CALCRL: variants seen among roughly 807,000 people sequenced by gnomAD.
The protein encoded by CALCRL is calcitonin gene-related peptide type 1 receptor.
Under a neutral mutation model 60.4 loss-of-function variants are expected in CALCRL, and 27 were observed. That is an observed-to-expected ratio of 0.45 (90% CI 0.33 to 0.62). The LOEUF (loss-of-function observed/expected upper bound fraction) is 0.62. Ranked by LOEUF, CALCRL falls within the 20% of genes least tolerant of loss-of-function variation. The pLI, the probability that CALCRL is intolerant of heterozygous loss-of-function variation, is 0.03. For missense variants in CALCRL, 424 were observed against 540.7 expected (o/e 0.78, Z 2.14); for synonymous variants, 190 against 182.6 (o/e 1.04, Z -0.33).
intron 1 of CALCRL, among the ~76,000 whole-genome samples, chr2:187,442,833 T>C (rs1207464948): frequency 6.6e-6 from 1 of 151,888 alleles, no homozygotes; most frequent in Non-Finnish European, 1.5e-5. Flanking sequence ...CAGTTTGGAT[T>C]TGGTGAATCA....
chr2:187,352,537 G>A (rs1408133528), intron 12 of CALCRL, among the ~76,000 whole-genome samples: 2 of 151,474 alleles, frequency 1.3e-5, no homozygotes, highest in Admixed American at 6.6e-5. Flanking sequence ...TAATAAACAA[G>A]TTTTAAAAAA....
intron 1 of CALCRL, chr2:187,442,115 CACAT>C (rs1690945015): frequency 2.8e-5 from 4 of 143,230 alleles, no homozygotes. Context: ...TACATACACA[CACAT>C]ATACATATAC....
intron 12 of CALCRL, among the ~76,000 whole-genome samples, chr2:187,353,596 A>G (rs910985513): frequency 2.6e-5 from 4 of 151,970 alleles, no homozygotes; most frequent in African/African-American, 9.7e-5. Context: ...AAACACATCT[A>G]TGAAAAGCAA....
intron 1 of CALCRL, among the ~76,000 whole-genome samples, chr2:187,417,530 A>G (rs1303066824): frequency 6.6e-6 from 1 of 152,122 alleles, no homozygotes; most frequent in Non-Finnish European, 1.5e-5. Flanking sequence ...CAATTTAAGC[A>G]TAACTCTTAA....
At chr2:187,413,599 T>G (rs1430052906) in intron 1 of CALCRL, among the ~76,000 whole-genome samples, 1 of 152,186 alleles carries the variant, frequency 6.6e-6, no homozygotes, top group Non-Finnish European at 1.5e-5. Context: ...TTCTTTCATT[T>G]GGCAATTCTT....
chr2:187,441,745 G>A (rs1488883810), intron 1 of CALCRL, among the ~76,000 whole-genome samples: 2 of 151,846 alleles, frequency 1.3e-5, no homozygotes, highest in African/African-American at 4.8e-5. Context: ...TTTAGAAAAA[G>A]AGCAATTTTA....
At chr2:187,416,334 C>A (rs895360583) in intron 1 of CALCRL, among the ~76,000 whole-genome samples, 1 of 152,046 alleles carries the variant, frequency 6.6e-6, no homozygotes, top group Non-Finnish European at 1.5e-5. Context: ...TAAAATTTTT[C>A]ATCTTGAATG....
intron 1 of CALCRL, chr2:187,415,539 GACAGGAA>G (rs1689563563): frequency 2.3e-6 from 1 of 436,746 alleles, no homozygotes; most frequent in East Asian, 5.0e-5. Context: ...CAATGTTTGG[GACAGGAA>G]ACTCTGCCAA....
chr2:187,418,753 G>T (rs898104753), intron 1 of CALCRL, among the ~76,000 whole-genome samples: 2 of 151,578 alleles, frequency 1.3e-5, no homozygotes, highest in Admixed American at 6.6e-5. Flanking sequence ...TAATATTAAG[G>T]TTCTGAGATG....
chr2:187,424,389 A>G (rs1374284169), intron 1 of CALCRL, among the ~76,000 whole-genome samples: 1 of 152,076 alleles, frequency 6.6e-6, no homozygotes, highest in Non-Finnish European at 1.5e-5. Flanking sequence ...AAATCACAGT[A>G]AATGACTGTG....
intron 1 of CALCRL, among the ~76,000 whole-genome samples, chr2:187,438,879 A>G (rs1690768973): frequency 6.6e-6 from 1 of 152,222 alleles, no homozygotes; most frequent in Admixed American, 6.5e-5. Context: ...AAGAATAAAA[A>G]AATGAAAACT....
At chr2:187,428,903 A>T (rs1690272915) in intron 1 of CALCRL, 1 of 145,632 alleles carries the variant, frequency 6.9e-6, no homozygotes, top group Admixed American at 6.8e-5. Flanking sequence ...AAAAAAAAAA[A>T]AAAAAATTAC....
rs1378377626 is a variant in CALCRL at position 187,357,515 on chromosome 2, G to A, written c.909+1548C>T. ...CTGGGGCCTGTCGGGGGGTGGGGGT[G>A]AGGGGAGGGATAGCATTAGGAGAAA... is the stretch of plus-strand genomic sequence containing the variant. On this transcript the variant is annotated intron_variant, in intron 12 of 14. Coordinates refer to ENST00000392370, the MANE Select transcript of CALCRL (RefSeq NM_005795.6). 5.5e-5 allele frequency among the ~76,000 whole-genome samples: 8 copies of A among 144,240 alleles called. No homozygotes were observed. The Admixed American group carries it at 5.6e-4, about 10-fold the overall frequency. 94.6% of individuals were successfully genotyped at this position (144,240 alleles called of 152,430 possible).
intron 1 of CALCRL, chr2:187,415,601 A>T: frequency 1.7e-6 from 1 of 578,850 alleles, no homozygotes; most frequent in Non-Finnish European, 3.2e-6. Context: ...AAACCTGCCA[A>T]TTATGATGAC....
intron 1 of CALCRL, among the ~76,000 whole-genome samples, chr2:187,432,907 T>C (rs976958222): frequency 1.3e-5 from 2 of 152,038 alleles, no homozygotes; most frequent in African/African-American, 2.4e-5. Flanking sequence ...AAATATTTAG[T>C]ACAGTGATAC....
intron 12 of CALCRL, among the ~76,000 whole-genome samples, chr2:187,358,669 G>T (rs1371859629): frequency 1.3e-5 from 2 of 152,004 alleles, no homozygotes; most frequent in African/African-American, 2.4e-5. Context: ...TGGGAATAAA[G>T]ATAAATTTGA....
intron 1 of CALCRL, among the ~76,000 whole-genome samples, chr2:187,400,792 CATATT>C (rs1688855699): frequency 2.0e-5 from 3 of 151,244 alleles, no homozygotes; most frequent in Admixed American, 6.6e-5. Context: ...AAAAAAGAAA[CATATT>C]ATATGATTCC....
intron 1 of CALCRL, among the ~76,000 whole-genome samples, chr2:187,423,478 G>A (rs1407101428): frequency 6.6e-6 from 1 of 151,544 alleles, no homozygotes; most frequent in Non-Finnish European, 1.5e-5. Flanking sequence ...CCTCATAAAG[G>A]AAACACAAAA....
chr2:187,365,559 G>A (rs1687241580), intron 8 of CALCRL, among the ~76,000 whole-genome samples: 2 of 152,142 alleles, frequency 1.3e-5, no homozygotes, highest in South Asian at 4.1e-4. Context: ...CATTGGCTAA[G>A]TCCATATCTA....
Sources: gnomAD v4.1 joint callset for allele counts (sites outside exome capture counted in the v4.1 genomes callset) on GRCh38, gnomAD v4.1.1 for gene constraint, MANE v1.5 for transcripts, NCBI Gene and HGNC (gene_info 2026-07-23, HGNC 2026-07-21) for gene names.